PTPRZ1: variants seen among roughly 807,000 people sequenced by gnomAD.
The protein encoded by PTPRZ1 is protein tyrosine phosphatase receptor type Z1, also known as receptor-type tyrosine-protein phosphatase zeta.
PTPRZ1 carries 82 observed loss-of-function variants against 214.1 expected under a neutral mutation model. That is an observed-to-expected ratio of 0.38 (90% CI 0.32 to 0.46). The LOEUF is 0.46. PTPRZ1 is among the 20% of genes least tolerant of loss of function. The pLI is 1.00. For missense variants in PTPRZ1, 2,603 were observed against 2,748.7 expected (o/e 0.95, Z 1.19); for synonymous variants, 945 against 987.9 (o/e 0.96, Z 0.81).
intron 23 of PTPRZ1, 94 bp from the exon 24 acceptor site, chr7:122,051,334 G>GGT (rs112292518): frequency 5.4e-4 from 370 of 681,106 alleles, no homozygotes; most frequent in African/African-American, 1.4e-3. Flanking sequence ...TATCTTGATT[G>GGT]GTGTGTGTGT....
intron 2 of PTPRZ1, among the ~76,000 whole-genome samples, chr7:121,956,417 CAATG>C (rs888226488): frequency 2.6e-5 from 4 of 152,146 alleles, no homozygotes; most frequent in African/African-American, 9.7e-5. Context: ...CTATAAAACT[CAATG>C]AAGTCTTCAT....
rs1336352367 is a variant in PTPRZ1, at chr7:122,039,573, C to T, written c.5622C>T (p.Asn1874=). 9 of 1,611,824 alleles carry T rather than the reference C, an allele frequency of 5.6e-6. No individual in the cohort carries two copies. The highest frequency in any genetic ancestry group is 7.6e-6 in the Non-Finnish European group (9 of 1,179,476). Residue 1874 remains asparagine, a synonymous_variant, in exon 20 of 30, where the codon AAC becomes AAT. Coordinates refer to ENST00000393386, the MANE Select transcript of PTPRZ1 (RefSeq NM_002851.3). ...CTGTGAGGAATTTTACTCTAAGAAACACAAAAATAAAAAAGGTGAGTCAAC... is the reference window on the plus strand; with the variant it reads ...CTGTGAGGAATTTTACTCTAAGAAATACAAAAATAAAAAAGGTGAGTCAAC... ...YYTVRNFTLR[N]TKIKKGSQKG...
rs755670224 is a variant in PTPRZ1 at position 122,012,931 on chromosome 7, G to A, written c.3885G>A (p.Thr1295=). 21 of 1,613,926 alleles carry A rather than the reference G, an allele frequency of 1.3e-5. No homozygotes were observed. Among genetic ancestry groups the A allele is most frequent in the South Asian group, 5.5e-5 (5 of 91,072 alleles). The change falls in exon 12 of 30, where the codon ACG becomes ACA. Residue 1295 remains threonine, a synonymous_variant. Transcript: ENST00000393386. The stretch of plus-strand genomic sequence containing the variant: ...ACAGTAATGATGAGTTGTTCCAAAC[G>A]GCCAATTTGGAGATTAACCAGGCCC... The part of the protein sequence containing the change: ...SLYSNDELFQ[T]ANLEINQAHP...
rs374977896 is a variant in PTPRZ1 at position 121,936,605 on chromosome 7, A to G, written c.124+8384A>G. Reference sequence around the variant, plus strand: ...ATCAGATTCACTCAAAAGTTACGTTAAAGTAGAAACACATCGAGGTTTGGG... The same window carrying G: ...ATCAGATTCACTCAAAAGTTACGTTGAAGTAGAAACACATCGAGGTTTGGG... On this transcript the variant is annotated intron_variant, in intron 2 of 29. Transcript: ENST00000393386. Among the ~76,000 whole-genome samples the G allele has an allele frequency of 3.3e-5, 5 of 152,160 alleles. No homozygotes were observed. In the South Asian group the frequency reaches 8.3e-4, roughly 25 times the overall value.
At chr7:122,043,733 C>G (rs1036056567) in intron 22 of PTPRZ1, among the ~76,000 whole-genome samples, 3 of 152,056 alleles carry the variant, frequency 2.0e-5, no homozygotes, top group Non-Finnish European at 2.9e-5. Flanking sequence ...TAGAGGGGAA[C>G]AACACACACT....
chr7:122,004,719 T>C (rs1798431766), intron 11 of PTPRZ1, 59 bp downstream of exon 11: 1 of 1,016,016 alleles, frequency 9.8e-7, no homozygotes, highest in Non-Finnish European at 1.5e-6. Context: ...TTTTGAATTG[T>C]TGCTTGGGTG....
intron 13 of PTPRZ1, among the ~76,000 whole-genome samples, chr7:122,027,261 AGAG>A (rs1799229969): frequency 6.6e-6 from 1 of 152,108 alleles, no homozygotes. Flanking sequence ...GAGGTGAAGG[AGAG>A]GACCAGTGTG....
intron 1 of PTPRZ1, among the ~76,000 whole-genome samples, chr7:121,899,636 G>A (rs1167892806): frequency 6.6e-6 from 1 of 152,104 alleles, no homozygotes; most frequent in African/African-American, 2.4e-5. Context: ...TGGGAACTTG[G>A]GACAGGTGAA....
chr7:121,914,222 A>G (rs1358159662), intron 1 of PTPRZ1, among the ~76,000 whole-genome samples: 2 of 152,174 alleles, frequency 1.3e-5, no homozygotes, highest in African/African-American at 4.8e-5. Context: ...CACCTCTGTG[A>G]AATCATAGGT....
intron 23 of PTPRZ1, among the ~76,000 whole-genome samples, chr7:122,050,934 A>C (rs1315979051): frequency 6.6e-6 from 1 of 152,206 alleles, no homozygotes; most frequent in Non-Finnish European, 1.5e-5. Context: ...GCTCATATCT[A>C]TAAAGCTATA....
At chr7:121,988,355 A>G (rs1298667655) in intron 8 of PTPRZ1, among the ~76,000 whole-genome samples, 1 of 152,190 alleles carries the variant, frequency 6.6e-6, no homozygotes, top group African/African-American at 2.4e-5. Context: ...TGAGACAGCA[A>G]TGAAATAGAA....
At chr7:121,873,645 G>A (rs62475700) in intron 1 of PTPRZ1, 88 bp downstream of exon 1, 83,366 of 1,487,586 alleles carry the variant, frequency 0.056, 2,799 homozygotes, top group Middle Eastern at 0.11. Flanking sequence ...ACTTGCCGCC[G>A]CCGCCGCCAT....
chr7:121,921,602 A>G (rs940687675), intron 1 of PTPRZ1, among the ~76,000 whole-genome samples: 2 of 152,152 alleles, frequency 1.3e-5, no homozygotes, highest in Admixed American at 1.3e-4. Context: ...ATATTTTTCC[A>G]GAATTACCTC....
At chr7:121,956,533 AT>A (rs1796711487) in intron 2 of PTPRZ1, among the ~76,000 whole-genome samples, 2 of 152,248 alleles carry the variant, frequency 1.3e-5, no homozygotes, top group African/African-American at 4.8e-5. Context: ...CAGAAATGAA[AT>A]GAAAATGGCA....
chr7:121,921,023 T>C (rs1795581368), intron 1 of PTPRZ1, among the ~76,000 whole-genome samples: 1 of 152,132 alleles, frequency 6.6e-6, no homozygotes, highest in Non-Finnish European at 1.5e-5. Flanking sequence ...ATAGCAGTTA[T>C]TTGTAGGGCA....
intron 2 of PTPRZ1, among the ~76,000 whole-genome samples, chr7:121,955,917 G>A (rs1796691158): frequency 6.6e-6 from 1 of 152,136 alleles, no homozygotes. Context: ...GCTGTATTGG[G>A]TTTCAGCACT....
At chr7:122,047,321 CTT>C (rs1409461832) in intron 23 of PTPRZ1, among the ~76,000 whole-genome samples, 3 of 151,972 alleles carry the variant, frequency 2.0e-5, no homozygotes, top group Admixed American at 2.0e-4. Context: ...TATAAGAAAA[CTT>C]TGAGTTAGTA....
Position 122,003,272 on chromosome 7 carries a change from T to A in PTPRZ1, c.1241-1342T>A, listed in dbSNP as rs182539155. Reference sequence around the variant, plus strand: ...GTTTTAACGAGAAAAAAAGTGAGAATTAAAAGTAAGATTGTGATTGTTTCT... The same window carrying A: ...GTTTTAACGAGAAAAAAAGTGAGAAATAAAAGTAAGATTGTGATTGTTTCT... On this transcript the variant is annotated intron_variant, in intron 10 of 29. Coordinates refer to ENST00000393386, the MANE Select transcript of PTPRZ1 (RefSeq NM_002851.3). Among the ~76,000 whole-genome samples the A allele has an allele frequency of 1.1e-4, 16 of 152,278 alleles. No homozygotes were observed. In the East Asian group the frequency reaches 2.9e-3, roughly 28 times the overall value.
Position 122,012,059 on chromosome 7 carries a change from T to G in PTPRZ1, c.3013T>G (p.Phe1005Val). 5 of 1,614,252 alleles carry G rather than the reference T, an allele frequency of 3.1e-6. No homozygotes were observed. The highest frequency in any genetic ancestry group is 8.5e-7 in the Non-Finnish European group (1 of 1,180,036). The change falls in exon 12 of 30, where the codon TTT (phenylalanine) becomes GTT (valine). Residue 1005 changes from phenylalanine to valine, a missense_variant. Phe to Val is a conservative substitution (Grantham distance 50). Coordinates refer to ENST00000393386, the MANE Select transcript of PTPRZ1 (RefSeq NM_002851.3). ...EWSGASSDSEFLLPDTDGLTA... is the reference protein window; with the variant it reads ...EWSGASSDSEVLLPDTDGLTA... ...GTCTGGAGCCTCTTCTGATAGTGAATTTCTTTTACCTGACACAGATGGGCT... is the reference window on the plus strand; with the variant it reads ...GTCTGGAGCCTCTTCTGATAGTGAAGTTCTTTTACCTGACACAGATGGGCT...
Sources: allele counts gnomAD v4.1 joint callset (sites outside exome capture counted in the v4.1 genomes callset), GRCh38; gene constraint gnomAD v4.1.1; transcripts MANE v1.5; gene names NCBI Gene and HGNC (gene_info 2026-07-23, HGNC 2026-07-21).